KCNK5: variants seen among roughly 807,000 people sequenced by gnomAD.
KCNK5 encodes the protein potassium two pore domain channel subfamily K member 5.
In KCNK5, 18 loss-of-function variants were observed where a neutral mutation model predicts 32.9. The ratio of observed to expected loss-of-function variants is 0.55; its 90% CI spans 0.38 to 0.81. KCNK5 has a LOEUF of 0.81. KCNK5 is among the 30% of genes least tolerant of loss of function. The pLI is 0.00. For missense variants in KCNK5, 507 were observed against 651.0 expected (o/e 0.78, Z 2.41); for synonymous variants, 276 against 275.3 (o/e 1.00, Z -0.03).
In KCNK5 at chr6:39,207,209, C is replaced by T. The variant is rs540507390; in HGVS notation, c.187-11222G>A. On this transcript the variant is annotated intron_variant, in intron 1 of 4. Coordinates refer to ENST00000359534, the MANE Select transcript of KCNK5 (RefSeq NM_003740.4). ...GGCCATGCCACCTGGAATATTAAGC[C>T]TCCGTCCCGCTCCCGCTCCTCACCT... is the stretch of plus-strand genomic sequence containing the variant. Among the ~76,000 whole-genome samples the T allele has an allele frequency of 7.2e-5, 11 of 152,326 alleles. No homozygotes were observed. In the South Asian group the frequency reaches 2.3e-3, roughly 32 times the overall value.
chr6:39,191,292 G>A lies in KCNK5; in HGVS notation c.1098C>T (p.Gly366=), dbSNP rs770203719. The A allele has an allele frequency of 1.2e-6, 2 of 1,614,058 alleles. No individual in the cohort carries two copies. The highest frequency in any genetic ancestry group is 1.1e-5 in the South Asian group (1 of 91,084). The change falls in exon 5 of 5, where the codon GGC becomes GGT. Residue 366 remains glycine (G), a synonymous_variant. Coordinates refer to ENST00000359534, the MANE Select transcript of KCNK5 (RefSeq NM_003740.4). The surrounding 1 kb of genome is among the most constrained non-coding windows in gnomAD (Gnocchi z 5.8). ...CCTCATCTGGGGACCTTGATACGTG[G>A]CCTTTGCTCCTCAGTGTCTGTGACA... The part of the protein sequence containing the change: ...EEVSQTLRSK[G]HVSRSPDEEA...
chr6:39,222,911 G>C (rs1771581383), intron 1 of KCNK5, among the ~76,000 whole-genome samples: 1 of 152,164 alleles, frequency 6.6e-6, no homozygotes, highest in South Asian at 2.1e-4. Context: ...GTTGAAGGGG[G>C]TATAATTTCA....
chr6:39,227,412 A>G (rs1316738326), intron 1 of KCNK5, among the ~76,000 whole-genome samples: 1 of 152,120 alleles, frequency 6.6e-6, no homozygotes, highest in East Asian at 1.9e-4. Context: ...GCCCATCAGA[A>G]GGAAGCCATG....
rs1045569557 is a variant in KCNK5 at position 39,210,848 on chromosome 6, T to C, written c.187-14861A>G. Reference sequence around the variant, plus strand: ...TCCTTCAAGCCCAAGCAATGGAGCATGAAGCAGAGCAAGAAGCCAAAACAC... The same window carrying C: ...TCCTTCAAGCCCAAGCAATGGAGCACGAAGCAGAGCAAGAAGCCAAAACAC... On this transcript the variant is annotated intron_variant, in intron 1 of 4. Coordinates refer to ENST00000359534, the MANE Select transcript of KCNK5 (RefSeq NM_003740.4). Among the ~76,000 whole-genome samples, 7 of 152,050 alleles carry C rather than the reference T, an allele frequency of 4.6e-5. No individual in the cohort carries two copies. In the South Asian group the frequency reaches 1.4e-3, roughly 31 times the overall value.
rs911226702 is a variant in KCNK5 at position 39,190,149 on chromosome 6, C to G, written c.*741G>C. On this transcript the variant is annotated 3_prime_UTR_variant, in exon 5 of 5. Coordinates refer to ENST00000359534, the MANE Select transcript of KCNK5 (RefSeq NM_003740.4). ...CTACCACTTGGGGGCCCACAGAAAG[C>G]CTTGCGTCTGCCACTGCTTGACCTG... The G allele has an allele frequency of 6.6e-6, 1 of 152,480 alleles. No homozygotes were observed. Among genetic ancestry groups the G allele is most frequent in the African/African-American group, 2.4e-5 (1 of 41,428 alleles). The allele number at this position is 152,480 out of a possible 1,614,324, so 9.4% of individuals were successfully genotyped here. A position where few individuals can be genotyped will look rare whatever the true frequency, so the allele number is the denominator to read the frequency against.
rs988562866 is a variant in KCNK5 at position 39,195,987 on chromosome 6, C to A, written c.187G>T (p.Val63Leu). Residue 63 changes from valine (V) to leucine (L), a missense_variant and splice_region_variant, in exon 2 of 5, where the codon GTG becomes TTG. By Grantham distance (32) the Val-to-Leu change is conservative. Coordinates refer to ENST00000359534, the MANE Select transcript of KCNK5 (RefSeq NM_003740.4). ...GQEGLDKILE[V>L]VSDAAGQGVA... ...CCCTGTCCTGCAGCATCAGATACCA[C>A]CTAAAATGAGAAACAGTAAAGGTCA... 2 of 1,608,832 alleles carry A rather than the reference C, an allele frequency of 1.2e-6. No individual in the cohort carries two copies. The highest frequency in any genetic ancestry group is 1.7e-4 in the Middle Eastern group (1 of 6,038).
At chr6:39,204,300 G>GGCTCA (rs1299376795) in intron 1 of KCNK5, among the ~76,000 whole-genome samples, 2 of 152,238 alleles carry the variant, frequency 1.3e-5, no homozygotes, top group Non-Finnish European at 2.9e-5. Flanking sequence ...TAAAAACCCA[G>GGCTCA]GCTCAGCTCA....
intron 1 of KCNK5, among the ~76,000 whole-genome samples, chr6:39,202,925 CTCTG>C (rs1176205712): frequency 6.6e-6 from 1 of 152,194 alleles, no homozygotes; most frequent in Non-Finnish European, 1.5e-5. Flanking sequence ...GCCTTACTTT[CTCTG>C]TCTGTAAAAT....
intron 1 of KCNK5, among the ~76,000 whole-genome samples, chr6:39,218,564 CAG>C (rs749050681): frequency 1.3e-5 from 2 of 152,036 alleles, no homozygotes; most frequent in Non-Finnish European, 2.9e-5. Flanking sequence ...CCAGACCTCC[CAG>C]AGTCAGGCCC....
In KCNK5 at chr6:39,190,937, G is replaced by C; in HGVS notation, c.1453C>G (p.Gln485Glu). ...GCCTTGTTGTACTCATTCATCAGCT[G>C]TTCGTAAGGCACAGAGAGCTCAGAC... The part of the protein sequence containing the change: ...TESELSVPYE[Q>E]LMNEYNKANS... Residue 485 changes from glutamine to glutamate, a missense_variant, in exon 5 of 5, where the codon CAG (glutamine) becomes GAG (glutamate). By Grantham distance (29) the Gln-to-Glu change is conservative. Transcript: ENST00000359534. The C allele has an allele frequency of 6.7e-7, 1 of 1,495,188 alleles. No homozygotes were observed. Among genetic ancestry groups the C allele is most frequent in the Admixed American group, 2.4e-5 (1 of 41,252 alleles). The allele number at this position is 1,495,188 out of a possible 1,614,324, so 92.6% of individuals were successfully genotyped here.
At chr6:39,208,086 T>G (rs537729826) in intron 1 of KCNK5, among the ~76,000 whole-genome samples, 369 of 152,296 alleles carry the variant, frequency 2.4e-3, no homozygotes, top group Non-Finnish European at 4.2e-3. Flanking sequence ...CCCCTGTGCC[T>G]GTGGCTGGCA....
intron 1 of KCNK5, among the ~76,000 whole-genome samples, chr6:39,216,409 A>G (rs1302239016): frequency 6.6e-6 from 1 of 152,234 alleles, no homozygotes; most frequent in Non-Finnish European, 1.5e-5. Flanking sequence ...CAAAGGGGCC[A>G]GCTAACACGC....
At chr6:39,223,137 C>T (rs143623787) in intron 1 of KCNK5, among the ~76,000 whole-genome samples, 16 of 152,316 alleles carry the variant, frequency 1.1e-4, no homozygotes, top group East Asian at 5.8e-4. Context: ...GTGCAGGGAC[C>T]GCTCCATTGC....
intron 1 of KCNK5, among the ~76,000 whole-genome samples, chr6:39,206,661 T>C (rs9462490): frequency 0.1 from 15,157 of 151,916 alleles, 1,132 homozygotes; most frequent in African/African-American, 0.2. Context: ...AAATATCAAG[T>C]GTGGGGCCCT....
intron 1 of KCNK5, among the ~76,000 whole-genome samples, chr6:39,225,488 A>T (rs1388986667): frequency 6.6e-6 from 1 of 152,214 alleles, no homozygotes; most frequent in African/African-American, 2.4e-5. Flanking sequence ...CAGAGGCAGA[A>T]GGTTGAGAAG....
rs1299818023 is a variant in KCNK5 at position 39,191,717 on chromosome 6, A to G, written c.673T>C (p.Tyr225His). The G allele has an allele frequency of 6.2e-7, 1 of 1,614,042 alleles. No individual in the cohort carries two copies. Among genetic ancestry groups the G allele is most frequent in the African/African-American group, 1.3e-5 (1 of 75,030 alleles). ...PSANYHALYR[Y>H]FVELWIYLGL... ...AAGTAGATCCAGAGCTCCACGAAGT[A>G]GCGGTACAGGGCGTGGTAGTTGGCG... Residue 225 changes from tyrosine to histidine, a missense_variant, in exon 5 of 5, where the codon TAC (tyrosine) becomes CAC (histidine). Physicochemically the swap from Tyr to His is moderately conservative, Grantham distance 83. This residue lies in a region of KCNK5 where 45 missense variants were observed against 107.6 expected (regional missense o/e 0.42). Transcript: ENST00000359534. The surrounding 1 kb of genome is among the most constrained non-coding windows in gnomAD (Gnocchi z 5.8).
At chr6:39,215,791 G>C (rs11969423) in intron 1 of KCNK5, among the ~76,000 whole-genome samples, 7,886 of 152,210 alleles carry the variant, frequency 0.052, 507 homozygotes, top group African/African-American at 0.15. Flanking sequence ...TCTCCCTTAC[G>C]TGATTCCTCC....
chr6:39,194,977 C>T lies in KCNK5; in HGVS notation c.299-217G>A, dbSNP rs1771003977. ...TATCTCCTCCATCATACAAGGAGCT[C>T]CCTGAAGGCAGGGACTAAGCCTGGT... On this transcript the variant is annotated intron_variant, in intron 2 of 4. Coordinates refer to ENST00000359534, the MANE Select transcript of KCNK5 (RefSeq NM_003740.4). This position sits in a 1 kb window ranked among gnomAD's most constrained non-coding sequence, Gnocchi z 4.7. Among the ~76,000 whole-genome samples, 1 of 152,220 alleles carries T rather than the reference C, an allele frequency of 6.6e-6. No homozygotes were observed. The highest frequency in any genetic ancestry group is 2.4e-5 in the African/African-American group (1 of 41,462).
chr6:39,207,078 C>G (rs980168236), intron 1 of KCNK5, among the ~76,000 whole-genome samples: 2 of 152,226 alleles, frequency 1.3e-5, no homozygotes, highest in African/African-American at 4.8e-5. Flanking sequence ...GGGCATGGGC[C>G]AGTCCCTCCG....
Sources: allele counts gnomAD v4.1 joint callset (sites outside exome capture counted in the v4.1 genomes callset), GRCh38; gene constraint gnomAD v4.1.1; regional missense constraint gnomAD v4.1.1; non-coding constraint Gnocchi (gnomAD v3.1); transcripts MANE v1.5; gene names NCBI Gene and HGNC (gene_info 2026-07-23, HGNC 2026-07-21).